Variants in TLL1 observed in about 807,000 individuals in gnomAD.
The protein encoded by TLL1 is tolloid like 1, also known as tolloid-like protein 1.
A neutral mutation model predicts 128.2 loss-of-function variants in TLL1; 49 were observed. That is an observed-to-expected ratio of 0.38 (90% CI 0.30 to 0.48). The LOEUF (loss-of-function observed/expected upper bound fraction) is 0.48. TLL1 is among the 20% of genes least tolerant of loss of function. The pLI is 0.96. For missense variants in TLL1, 1,123 were observed against 1,242.0 expected, an observed-to-expected ratio of 0.90 and a Z score of 1.44; for synonymous variants, 454 against 418.8, an observed-to-expected ratio of 1.08 and a Z score of -1.03.
intron 10 of TLL1, among the ~76,000 whole-genome samples, chr4:166,040,301 A>G (rs927329905): frequency 6.6e-6 from 1 of 152,218 alleles, no homozygotes; most frequent in African/African-American, 2.4e-5. Flanking sequence ...CTGTAGAAAT[A>G]TTTAAAAATA....
At chr4:166,045,434 C>T (rs1366129023) in intron 12 of TLL1, among the ~76,000 whole-genome samples, 1 of 152,094 alleles carries the variant, frequency 6.6e-6, no homozygotes. Context: ...CAGCATATAT[C>T]AGTTGCTTTG....
At chr4:165,881,211 T>C (rs1730953086) in intron 1 of TLL1, among the ~76,000 whole-genome samples, 1 of 152,170 alleles carries the variant, frequency 6.6e-6, no homozygotes, top group South Asian at 2.1e-4. Flanking sequence ...TGGAGAATAT[T>C]AAAGAAGGGA....
At chr4:166,030,961 C>T (rs1271639416) in intron 9 of TLL1, 1 of 971,606 alleles carries the variant, frequency 1.0e-6, no homozygotes, top group Admixed American at 6.2e-5. Flanking sequence ...GCAAAAATAC[C>T]TTCATTTCAA....
intron 1 of TLL1, among the ~76,000 whole-genome samples, chr4:165,903,532 C>T (rs1399554383): frequency 1.3e-5 from 2 of 150,220 alleles, no homozygotes; most frequent in East Asian, 4.0e-4. Context: ...TCTGCCTTAG[C>T]CACTTGAGTA....
intron 1 of TLL1, among the ~76,000 whole-genome samples, chr4:165,898,659 A>T (rs1731806099): frequency 6.6e-6 from 1 of 152,150 alleles, no homozygotes; most frequent in Non-Finnish European, 1.5e-5. Context: ...TTTTGCATTG[A>T]TGTTCATCAG....
At chr4:165,965,904 G>A (rs571529610) in intron 1 of TLL1, among the ~76,000 whole-genome samples, 6 of 152,258 alleles carry the variant, frequency 3.9e-5, no homozygotes, top group Admixed American at 3.3e-4. Flanking sequence ...GACTAGACCG[G>A]GTGCAGTGGC....
chr4:165,910,495 T>G (rs73860882), intron 1 of TLL1, among the ~76,000 whole-genome samples: 1,949 of 152,310 alleles, frequency 0.013, 38 homozygotes, highest in African/African-American at 0.044. Context: ...TTTCTTCTGC[T>G]ATAAAATTAG....
intron 19 of TLL1, among the ~76,000 whole-genome samples, chr4:166,091,949 A>G (rs1310876271): frequency 6.6e-6 from 1 of 152,126 alleles, no homozygotes; most frequent in Non-Finnish European, 1.5e-5. Context: ...AATTTTAGAC[A>G]AAAATATAGA....
intron 18 of TLL1, among the ~76,000 whole-genome samples, chr4:166,083,677 A>G (rs1741383017): frequency 7.7e-6 from 1 of 129,454 alleles, no homozygotes; most frequent in African/African-American, 2.5e-5. Context: ...TATTTAACAT[A>G]ATGTCCTGCG....
chr4:165,966,485 C>G (rs1479028381), intron 1 of TLL1, among the ~76,000 whole-genome samples: 2 of 152,144 alleles, frequency 1.3e-5, no homozygotes, highest in African/African-American at 2.4e-5. Context: ...CTAATGTTCA[C>G]ACTCTGAGAA....
intron 1 of TLL1, among the ~76,000 whole-genome samples, chr4:165,980,310 A>G (rs1459623099): frequency 1.3e-5 from 2 of 152,052 alleles, no homozygotes; most frequent in Admixed American, 1.3e-4. Flanking sequence ...ATTCAGGAAC[A>G]TGGGCAAGAC....
chr4:166,054,278 G>T (rs952811877), intron 12 of TLL1, among the ~76,000 whole-genome samples: 2 of 152,102 alleles, frequency 1.3e-5, no homozygotes, highest in African/African-American at 2.4e-5. Context: ...ATAGACTGAG[G>T]AAGAACAGTA....
rs375349466 is a variant in TLL1 at position 166,003,545 on chromosome 4, A to G, written c.787A>G (p.Ile263Val). The G allele has an allele frequency of 2.7e-5, 44 of 1,613,876 alleles. No homozygotes were observed. Among genetic ancestry groups the G allele is most frequent in the Non-Finnish European group, 3.4e-5 (40 of 1,179,922 alleles). The part of the protein sequence containing the change: ...TRPDRDNHVT[I>V]IRENIQPGQE... ...ACCAGATCGAGATAACCACGTAACT[A>G]TCATAAGAGAAAACATCCAGCCAGG... The change falls in exon 6 of 21, where the codon ATC becomes GTC. Residue 263 changes from isoleucine to valine, a missense_variant. This residue lies in a region of TLL1 where 480 missense variants were observed against 542.4 expected (regional missense o/e 0.89). Transcript: ENST00000061240.
rs772031930 is a variant in TLL1, at chr4:166,008,059, C to T, written c.917+11C>T. Reference sequence around the variant, plus strand: ...GAACACCTTCTCAAGGTTGGAGTCTCAGGTTATACCTTTTGACTTTTAATT... The same window carrying T: ...GAACACCTTCTCAAGGTTGGAGTCTTAGGTTATACCTTTTGACTTTTAATT... On this transcript the variant is annotated intron_variant, in intron 7 of 20. Transcript: ENST00000061240. 3 of 1,595,850 alleles carry T rather than the reference C, an allele frequency of 1.9e-6. No individual in the cohort carries two copies. Among genetic ancestry groups the T allele is most frequent in the South Asian group, 1.1e-5 (1 of 90,730 alleles).
chr4:166,066,591 G>A (rs559874121), intron 16 of TLL1, among the ~76,000 whole-genome samples: 1 of 151,796 alleles, frequency 6.6e-6, no homozygotes, highest in South Asian at 2.1e-4. Context: ...TTCCAATTAT[G>A]TTTTAATGTT....
intron 1 of TLL1, among the ~76,000 whole-genome samples, chr4:165,984,154 C>G (rs1488583910): frequency 6.6e-6 from 1 of 151,818 alleles, no homozygotes; most frequent in Non-Finnish European, 1.5e-5. Flanking sequence ...AAGACACATA[C>G]TACCTTAAAA....
chr4:166,008,106 C>T, intron 7 of TLL1, 58 bp downstream of exon 7: 1 of 1,275,448 alleles, frequency 7.8e-7, no homozygotes, highest in Non-Finnish European at 1.1e-6. Context: ...TGTGGCTCCT[C>T]ACAAAGCTAT....
At position 166,055,062 on chromosome 4, in the gene TLL1, T is replaced by A; in HGVS notation, c.1525-14T>A. The A allele has an allele frequency of 6.2e-7, 1 of 1,605,902 alleles. No homozygotes were observed. The highest frequency in any genetic ancestry group is 8.5e-7 in the Non-Finnish European group (1 of 1,176,580). The stretch of plus-strand genomic sequence containing the variant: ...CTATAAACATATATTTTCACATATT[T>A]TTTTCTGTTGCAGATTGAAAGACAT... On this transcript the variant is annotated splice_polypyrimidine_tract_variant and intron_variant, in intron 12 of 20. Transcript: ENST00000061240.
At chr4:166,040,682 T>C (rs1283104620) in intron 10 of TLL1, among the ~76,000 whole-genome samples, 1 of 152,246 alleles carries the variant, frequency 6.6e-6, no homozygotes, top group Admixed American at 6.5e-5. Flanking sequence ...GCTCTCACTC[T>C]ATATCCTCTG....
Sources: allele counts gnomAD v4.1 joint callset (sites outside exome capture counted in the v4.1 genomes callset), GRCh38; gene constraint gnomAD v4.1.1; regional missense constraint gnomAD v4.1.1; transcripts MANE v1.5; gene names NCBI Gene and HGNC (gene_info 2026-07-23, HGNC 2026-07-21).